CLNK: variants seen among roughly 807,000 people sequenced by gnomAD.
The protein encoded by CLNK is cytokine dependent hematopoietic cell linker.
A neutral mutation model predicts 68.6 loss-of-function variants in CLNK; 74 were observed. The ratio of observed to expected loss-of-function variants is 1.08; its 90% CI spans 0.89 to 1.31. CLNK has a LOEUF of 1.31. Among genes scored for constraint, CLNK ranks in the 50% most tolerant of loss-of-function variants. CLNK has a pLI of 0.00. For synonymous variants in CLNK, 198 were observed against 172.2 expected (o/e 1.15, Z -1.17); for missense variants, 553 against 515.3 (o/e 1.07, Z -0.71).
At chr4:10,624,255 A>G (rs889239835) in intron 2 of CLNK, among the ~76,000 whole-genome samples, 4 of 152,214 alleles carry the variant, frequency 2.6e-5, no homozygotes, top group African/African-American at 4.8e-5. Flanking sequence ...TAAGCAAGAT[A>G]ACCTCCAGCC....
chr4:10,623,685 A>C (rs186346021), intron 2 of CLNK, among the ~76,000 whole-genome samples: 9 of 152,392 alleles, frequency 5.9e-5, no homozygotes, highest in Admixed American at 5.9e-4. Context: ...TTAACCACAC[A>C]GGTGATAAAA....
At position 10,555,406 on chromosome 4, in the gene CLNK, T is replaced by C. The variant is rs1214593280; in HGVS notation, c.445+3001A>G. ...TAAACCACGCTGTATTTGAAAATTA[T>C]AGCTATTCCTATCTGAAAATAAGAT... On this transcript the variant is annotated intron_variant, in intron 8 of 18. Coordinates refer to ENST00000226951, the MANE Select transcript of CLNK (RefSeq NM_052964.4). Among the ~76,000 whole-genome samples the C allele has an allele frequency of 3.3e-5, 5 of 152,250 alleles. No homozygotes were observed. The South Asian group carries it at 8.3e-4, about 25-fold the overall frequency.
chr4:10,731,480 T>C, the CLNK span, among the ~76,000 whole-genome samples: 4 of 152,166 alleles, frequency 2.6e-5, no homozygotes, highest in Non-Finnish European at 4.4e-5. Context: ...TCTCAGGCTT[T>C]TTCTATAACC....
intron 8 of CLNK, among the ~76,000 whole-genome samples, chr4:10,551,485 C>G (rs1201915696): frequency 6.6e-6 from 1 of 151,830 alleles, no homozygotes; most frequent in Non-Finnish European, 1.5e-5. Flanking sequence ...CCTGAGTTGT[C>G]TCGAAACTCC....
At chr4:10,531,335 C>T (rs1188149238) in intron 12 of CLNK, 5 of 153,094 alleles carry the variant, frequency 3.3e-5, no homozygotes, top group African/African-American at 1.2e-4. Flanking sequence ...TTAGCCTCCA[C>T]TGATCACCTG....
chr4:10,657,285 T>C (rs910848584), intron 2 of CLNK, among the ~76,000 whole-genome samples: 1 of 152,198 alleles, frequency 6.6e-6, no homozygotes, highest in African/African-American at 2.4e-5. Context: ...AAGTGAATGA[T>C]TAACCCACAC....
chr4:10,571,627 C>A (rs970421638), intron 5 of CLNK, 114 bp downstream of exon 5: 18 of 836,024 alleles, frequency 2.2e-5, no homozygotes, highest in Non-Finnish European at 3.5e-5. Context: ...TGAACCACTG[C>A]ACGCAGCCTG....
rs545373552 is a variant in CLNK at position 10,540,100 on chromosome 4, G to A, written c.602+394C>T. 2.7e-3 allele frequency among the ~76,000 whole-genome samples: 409 copies of A among 152,322 alleles called. 2 individuals carry two copies. The highest frequency in any genetic ancestry group is 2.9e-3 in the Non-Finnish European group (195 of 68,026). On this transcript the variant is annotated intron_variant, in intron 11 of 18. Coordinates refer to ENST00000226951, the MANE Select transcript of CLNK (RefSeq NM_052964.4). ...TCCCCAGGTGTTGAGGCAGAGGCCT[G>A]GTGGGAGATGATTGGGTCATGGAGC... is the stretch of plus-strand genomic sequence containing the variant.
intron 2 of CLNK, among the ~76,000 whole-genome samples, chr4:10,618,886 A>C (rs966216060): frequency 6.6e-6 from 1 of 152,228 alleles, no homozygotes; most frequent in African/African-American, 2.4e-5. Flanking sequence ...ATCACGTCCC[A>C]CCAGGCCCCA....
chr4:10,624,884 C>T (rs1577177682), intron 2 of CLNK, among the ~76,000 whole-genome samples: 4 of 152,198 alleles, frequency 2.6e-5, no homozygotes, highest in Admixed American at 6.5e-5. Flanking sequence ...AGGAGATGTC[C>T]GCCCCACATC....
chr4:10,636,688 G>A (rs1181289671), intron 2 of CLNK, among the ~76,000 whole-genome samples: 1 of 152,138 alleles, frequency 6.6e-6, no homozygotes, highest in African/African-American at 2.4e-5. Flanking sequence ...CCGTGCACTT[G>A]GGAATGTGTC....
intron 4 of CLNK, among the ~76,000 whole-genome samples, chr4:10,578,419 A>G (rs1230089437): frequency 6.6e-6 from 1 of 152,116 alleles, no homozygotes; most frequent in Non-Finnish European, 1.5e-5. Flanking sequence ...TTCGGTGGAC[A>G]CCATCATCTG....
chr4:10,627,751 G>A (rs75566026), intron 2 of CLNK, among the ~76,000 whole-genome samples: 5,594 of 152,246 alleles, frequency 0.037, 173 homozygotes, highest in Non-Finnish European at 0.059. Flanking sequence ...AGGGCTTGGT[G>A]ATGTCTGAGA....
the CLNK span, among the ~76,000 whole-genome samples, chr4:10,726,917 C>T: frequency 6.6e-6 from 1 of 152,302 alleles, no homozygotes; most frequent in East Asian, 1.9e-4. Flanking sequence ...CTGTAACAGA[C>T]ATGTATGTGT....
At chr4:10,526,495 TA>T (rs1043636452) in intron 13 of CLNK, among the ~76,000 whole-genome samples, 1 of 152,148 alleles carries the variant, frequency 6.6e-6, no homozygotes, top group Non-Finnish European at 1.5e-5. Flanking sequence ...TACGTATGGC[TA>T]AAAAAGACCT....
chr4:10,628,175 G>T (rs1229641888), intron 2 of CLNK, among the ~76,000 whole-genome samples: 1 of 152,170 alleles, frequency 6.6e-6, no homozygotes, highest in East Asian at 1.9e-4. Context: ...ACAGCTTCTT[G>T]CTCTTGGGAC....
intron 2 of CLNK, among the ~76,000 whole-genome samples, chr4:10,648,006 C>G (rs1408322571): frequency 6.6e-6 from 1 of 152,152 alleles, no homozygotes; most frequent in Admixed American, 6.6e-5. Flanking sequence ...TCTCTGGACA[C>G]TAACAGACCC....
chr4:10,495,143 G>A (rs1017522631), intron 18 of CLNK, among the ~76,000 whole-genome samples: 1 of 152,094 alleles, frequency 6.6e-6, no homozygotes, highest in South Asian at 2.1e-4. Context: ...AGTCTTTAAC[G>A]TTTAGTTTAT....
the CLNK span, among the ~76,000 whole-genome samples, chr4:10,730,780 G>T: frequency 6.6e-6 from 1 of 152,084 alleles, no homozygotes; most frequent in Non-Finnish European, 1.5e-5. Flanking sequence ...TCATATGTAC[G>T]TTTAACCATT....
Sources: allele counts gnomAD v4.1 joint callset (sites outside exome capture counted in the v4.1 genomes callset), GRCh38; gene constraint gnomAD v4.1.1; transcripts MANE v1.5; gene names NCBI Gene and HGNC (gene_info 2026-07-23, HGNC 2026-07-21).